Variants in RP1 observed in about 807,000 individuals in gnomAD.
RP1 encodes the protein RP1 axonemal microtubule associated.
Under a neutral mutation model 14.8 loss-of-function variants are expected in RP1, and 16 were observed. The observed-to-expected ratio is 1.08, with a 90% CI of 0.73 to 1.65. The LOEUF (loss-of-function observed/expected upper bound fraction) is 1.65. RP1 is among the 40% of genes most tolerant of loss of function. The pLI, the probability that RP1 is intolerant of heterozygous loss-of-function variation, is 0.00. For synonymous variants in RP1, 876 were observed against 883.6 expected, an observed-to-expected ratio of 0.99 and a Z score of 0.15; for missense variants, 2,631 against 2,535.0, an observed-to-expected ratio of 1.04 and a Z score of -0.81.
intron 3 of RP1, among the ~76,000 whole-genome samples, chr8:54,643,977 A>G (rs2129323547): frequency 6.6e-6 from 1 of 152,344 alleles, no homozygotes; most frequent in South Asian, 2.1e-4. Context: ...CATCAACTTC[A>G]AATTCAAAAT....
At chr8:54,561,215 A>G (rs994320516) in intron 1 of RP1, among the ~76,000 whole-genome samples, 1 of 152,216 alleles carries the variant, frequency 6.6e-6, no homozygotes, top group African/African-American at 2.4e-5. Flanking sequence ...AATCCCTAGT[A>G]AACCTCTTTA....
chr8:54,627,336 A>G lies in RP1; in HGVS notation c.3454A>G (p.Lys1152Glu), dbSNP rs746097358. Residue 1152 changes from lysine (K) to glutamate (E), a missense_variant, in exon 4 of 4, where the codon AAG becomes GAG. By Grantham distance (56) the Lys-to-Glu change is moderately conservative. Transcript: ENST00000220676. ...TAGCTTCTGTCAAGTTGATGCTCAC[A>G]AGGCTACCAACAAATCTTCAGAAAC... ...MNSFCQVDAH[K>E]ATNKSSETLA... 6 of 1,614,152 alleles carry G rather than the reference A, an allele frequency of 3.7e-6. No individual in the cohort carries two copies. In the South Asian group the frequency reaches 6.6e-5, roughly 18 times the overall value.
chr8:54,666,308 G>A (rs1807016465), intron 7 of RP1, among the ~76,000 whole-genome samples: 1 of 151,988 alleles, frequency 6.6e-6, no homozygotes, highest in African/African-American at 2.4e-5. Context: ...GTGAGAAAAT[G>A]GGATTTGGGT....
At chr8:54,791,375 T>C (rs1810462221) in intron 24 of RP1, among the ~76,000 whole-genome samples, 1 of 152,088 alleles carries the variant, frequency 6.6e-6, no homozygotes, top group African/African-American at 2.4e-5. Context: ...AAGACACTAA[T>C]TAACAACCTA....
rs145933834 is a variant in RP1, at chr8:54,847,316, G to T, written c.3836-5258G>T. On this transcript the variant is annotated intron_variant, in intron 25 of 28. Coordinates refer to the RP1 transcript ENST00000637698. The stretch of plus-strand genomic sequence containing the variant: ...AGAAATCAGTGGACTTTTTGTTCTA[G>T]ACCTTACTCAGAACTGTCTTCCCCC... Among the ~76,000 whole-genome samples, 98 of 152,228 alleles carry T rather than the reference G, an allele frequency of 6.4e-4. 2 individuals are homozygous for T. In the East Asian group the frequency reaches 0.015, roughly 24 times the overall value.
chr8:54,861,620 T>C (rs543129702), intron 27 of RP1, among the ~76,000 whole-genome samples: 2 of 152,352 alleles, frequency 1.3e-5, no homozygotes, highest in Admixed American at 1.3e-4. Context: ...TCTTTTTTTT[T>C]GAGATGGAAT....
Position 54,588,645 on chromosome 8 carries a change from G to A in RP1, c.-13+29325G>A, listed in dbSNP as rs1585531598. Among the ~76,000 whole-genome samples the A allele has an allele frequency of 2.0e-5, 3 of 152,130 alleles. No homozygotes were observed. The South Asian group carries it at 6.2e-4, about 31-fold the overall frequency. On this transcript the variant is annotated intron_variant, in intron 1 of 22. Coordinates refer to the RP1 transcript ENST00000636932. ...TAGTGTTAGTAGCCTGAAGGCGCAG[G>A]CATAGGGAAATAAGAATATTGGGGA...
chr8:54,784,384 C>G (rs1463961809), intron 24 of RP1, among the ~76,000 whole-genome samples: 1 of 152,058 alleles, frequency 6.6e-6, no homozygotes, highest in Non-Finnish European at 1.5e-5. Flanking sequence ...ACAATATGGC[C>G]ATTACATAGT....
intron 1 of RP1, among the ~76,000 whole-genome samples, chr8:54,591,092 G>A (rs1805035134): frequency 6.6e-6 from 1 of 152,108 alleles, no homozygotes; most frequent in Non-Finnish European, 1.5e-5. Flanking sequence ...GCCACCATAA[G>A]TTTTCATCCC....
At chr8:54,586,586 C>G (rs1399525425) in intron 1 of RP1, among the ~76,000 whole-genome samples, 1 of 152,044 alleles carries the variant, frequency 6.6e-6, no homozygotes, top group Admixed American at 6.5e-5. Context: ...CTATGCCCTG[C>G]CCCCAGAGGT....
At chr8:54,648,758 C>G (rs1399354175) in intron 3 of RP1, among the ~76,000 whole-genome samples, 1 of 152,028 alleles carries the variant, frequency 6.6e-6, no homozygotes. Flanking sequence ...AGCCACCTCA[C>G]TAAAGATCTT....
intron 23 of RP1, among the ~76,000 whole-genome samples, chr8:54,780,320 G>C (rs893741546): frequency 1.3e-5 from 2 of 152,228 alleles, no homozygotes; most frequent in African/African-American, 2.4e-5. Flanking sequence ...CTTGTCCTCT[G>C]TCCTGCTAGT....
chr8:54,820,949 A>C (rs1047948745), intron 24 of RP1, among the ~76,000 whole-genome samples: 8 of 152,210 alleles, frequency 5.3e-5, no homozygotes, highest in Non-Finnish European at 5.9e-5. Flanking sequence ...GAATATCCTT[A>C]GGCGAAGCAG....
At chr8:54,652,047 G>A (rs1024524058) in intron 4 of RP1, among the ~76,000 whole-genome samples, 6 of 146,914 alleles carry the variant, frequency 4.1e-5, no homozygotes, top group South Asian at 2.1e-4. Flanking sequence ...TATCTCTCTC[G>A]CACAGGCTGG....
intron 3 of RP1, among the ~76,000 whole-genome samples, chr8:54,644,190 G>C (rs890033683): frequency 6.6e-6 from 1 of 152,060 alleles, no homozygotes; most frequent in African/African-American, 2.4e-5. Flanking sequence ...CATTCCAAAA[G>C]GAAGAAACTG....
intron 15 of RP1, among the ~76,000 whole-genome samples, chr8:54,710,277 G>T (rs893382985): frequency 5.9e-5 from 9 of 152,204 alleles, no homozygotes; most frequent in African/African-American, 2.2e-4. Flanking sequence ...GCAAACAAGT[G>T]CAGGCACTGG....
In RP1 at chr8:54,811,967, A is replaced by G. The variant is rs1811007104; in HGVS notation, c.3616-25483A>G. 2.0e-5 allele frequency among the ~76,000 whole-genome samples: 3 copies of G among 152,224 alleles called. No individual in the cohort carries two copies. In the South Asian group the frequency reaches 6.2e-4, roughly 31 times the overall value. On this transcript the variant is annotated intron_variant, in intron 24 of 28. Coordinates refer to the RP1 transcript ENST00000637698. ...AGCTCAGTTATAATTAAATAAAAACATTGTATAATTGAACAATATTTGTCA... is the reference window on the plus strand; with the variant it reads ...AGCTCAGTTATAATTAAATAAAAACGTTGTATAATTGAACAATATTTGTCA...
intron 24 of RP1, among the ~76,000 whole-genome samples, chr8:54,822,963 G>A (rs919798009): frequency 1.3e-5 from 2 of 152,194 alleles, no homozygotes; most frequent in Non-Finnish European, 2.9e-5. Context: ...AAGTTGCAAA[G>A]ATAATAGAGA....
At chr8:54,749,031 C>T (rs1159947719) in intron 19 of RP1, among the ~76,000 whole-genome samples, 1 of 151,992 alleles carries the variant, frequency 6.6e-6, no homozygotes, top group Admixed American at 6.6e-5. Flanking sequence ...GACTCTGGTT[C>T]TATATCATTT....
Sources: allele counts gnomAD v4.1 joint callset (sites outside exome capture counted in the v4.1 genomes callset), GRCh38; gene constraint gnomAD v4.1.1; transcripts MANE v1.5; gene names NCBI Gene and HGNC (gene_info 2026-07-23, HGNC 2026-07-21).